Variants in LANCL2 observed in about 807,000 individuals in gnomAD.
LANCL2 encodes the protein lanC-like protein 2.
Under a neutral mutation model 56.9 loss-of-function variants are expected in LANCL2, and 33 were observed. The observed-to-expected ratio is 0.58, with a 90% CI of 0.44 to 0.78. LANCL2 has a LOEUF of 0.78. Ranked by LOEUF, LANCL2 falls within the 30% of genes least tolerant of loss-of-function variation. LANCL2 has a pLI of 0.00. For synonymous variants in LANCL2, 233 were observed against 228.2 expected (o/e 1.02, Z -0.19); for missense variants, 562 against 580.2 (o/e 0.97, Z 0.32).
At chr7:55,380,297 C>T (rs190931456) in intron 1 of LANCL2, among the ~76,000 whole-genome samples, 1 of 152,150 alleles carries the variant, frequency 6.6e-6, no homozygotes, top group East Asian at 1.9e-4. Flanking sequence ...ATAGATTTGC[C>T]CATCTCTGAA....
chr7:55,374,527 G>C (rs531576390), intron 1 of LANCL2, among the ~76,000 whole-genome samples: 3 of 152,294 alleles, frequency 2.0e-5, no homozygotes, highest in South Asian at 2.1e-4. Context: ...ATTCTTTACT[G>C]TCAGAAGATA....
At chr7:55,397,896 C>T (rs1034606721) in intron 2 of LANCL2, among the ~76,000 whole-genome samples, 2 of 151,608 alleles carry the variant, frequency 1.3e-5, no homozygotes, top group African/African-American at 2.4e-5. Context: ...CGAGTTCACT[C>T]ACCAGTTCAT....
intron 1 of LANCL2, among the ~76,000 whole-genome samples, chr7:55,384,733 G>C (rs1010540224): frequency 2.6e-5 from 4 of 152,118 alleles, no homozygotes; most frequent in Admixed American, 6.5e-5. Context: ...TTTTTCGTTA[G>C]AAATCATGGA....
chr7:55,419,272 A>G (rs942593099), intron 6 of LANCL2, among the ~76,000 whole-genome samples: 2 of 151,482 alleles, frequency 1.3e-5, no homozygotes, highest in African/African-American at 4.9e-5. Context: ...CAGTTTTGTT[A>G]ATTGTGTTTT....
At position 55,408,246 on chromosome 7, in the gene LANCL2, A is replaced by G. The variant is rs534816867; in HGVS notation, c.826-3661A>G. On this transcript the variant is annotated intron_variant, in intron 5 of 8. Transcript: ENST00000254770. ...TATCTTAGAAAGCAGGCAGAAATAGACAATGGGAGAGGAAAACGTAAGAAA... is the reference window on the plus strand; with the variant it reads ...TATCTTAGAAAGCAGGCAGAAATAGGCAATGGGAGAGGAAAACGTAAGAAA... 5.8e-4 allele frequency among the ~76,000 whole-genome samples: 89 copies of G among 152,232 alleles called. 1 individual carries two copies. Among genetic ancestry groups the G allele is most frequent in the Non-Finnish European group, 8.8e-4 (60 of 68,040 alleles).
intron 2 of LANCL2, among the ~76,000 whole-genome samples, chr7:55,396,413 C>T (rs1355125425): frequency 6.6e-6 from 1 of 152,244 alleles, no homozygotes; most frequent in Admixed American, 6.5e-5. Context: ...CGCAGCCCCG[C>T]CTACCCGGAG....
intron 1 of LANCL2, among the ~76,000 whole-genome samples, chr7:55,377,275 T>C (rs566442309): frequency 6.6e-6 from 1 of 152,246 alleles, no homozygotes; most frequent in South Asian, 2.1e-4. Context: ...AATGACAAAT[T>C]AGGAAATAAA....
rs970050584 is a variant in LANCL2, at chr7:55,432,546, T to C, written c.*1226T>C. On this transcript the variant is annotated 3_prime_UTR_variant, in exon 9 of 9. Coordinates refer to ENST00000254770, the MANE Select transcript of LANCL2 (RefSeq NM_018697.4). ...ATGGAAGAGGTGGTCTGGGACTAGGTACTTCTCGTCTTGTGAGCTAAGGCT... is the reference window on the plus strand; with the variant it reads ...ATGGAAGAGGTGGTCTGGGACTAGGCACTTCTCGTCTTGTGAGCTAAGGCT... 3.3e-5 allele frequency: 5 copies of C among 152,214 alleles called. No individual in the cohort carries two copies. Among genetic ancestry groups the C allele is most frequent in the African/African-American group, 1.2e-4 (5 of 41,444 alleles). The allele number at this position is 152,214 out of a possible 1,614,324, so 9.4% of individuals were successfully genotyped here.
At chr7:55,387,314 G>A (rs891376216) in intron 1 of LANCL2, among the ~76,000 whole-genome samples, 7 of 152,174 alleles carry the variant, frequency 4.6e-5, no homozygotes, top group African/African-American at 1.4e-4. Context: ...TTTAAGTTAT[G>A]TTAGAGGAAA....
At chr7:55,393,756 T>G (rs922245488) in intron 2 of LANCL2, among the ~76,000 whole-genome samples, 8 of 152,208 alleles carry the variant, frequency 5.3e-5, no homozygotes, top group African/African-American at 1.7e-4. Flanking sequence ...ATTACATATT[T>G]CAAACTTATA....
chr7:55,406,594 G>A (rs963589454), intron 5 of LANCL2, among the ~76,000 whole-genome samples: 1 of 152,218 alleles, frequency 6.6e-6, no homozygotes, highest in Non-Finnish European at 1.5e-5. Context: ...TGCTCAGTGA[G>A]TTGGGGGCTT....
rs1432963504 is a variant in LANCL2 at position 55,428,425 on chromosome 7, C to T, written c.1236C>T (p.Asp412=). ...GAGCACACGGGTGCCGCATTCCTGA[C>T]AGACCCTATTCGCTCTTTGAAGGTA... ...DYGAHGCRIP[D]RPYSLFEGMA... The change falls in exon 8 of 9, where the codon GAC becomes GAT. Residue 412 remains aspartate (D), a synonymous_variant. Coordinates refer to ENST00000254770, the MANE Select transcript of LANCL2 (RefSeq NM_018697.4). 6.2e-7 allele frequency: 1 copy of T among 1,614,064 alleles called. No individual in the cohort carries two copies. The highest frequency in any genetic ancestry group is 1.1e-5 in the South Asian group (1 of 91,076).
chr7:55,388,141 T>A (rs193099952), intron 1 of LANCL2, among the ~76,000 whole-genome samples: 25 of 152,314 alleles, frequency 1.6e-4, no homozygotes, highest in African/African-American at 5.5e-4. Flanking sequence ...GGCCATAATA[T>A]GTAACCAGCT....
chr7:55,403,744 G>A (rs1468755742), intron 5 of LANCL2, among the ~76,000 whole-genome samples: 1 of 151,590 alleles, frequency 6.6e-6, no homozygotes, highest in Non-Finnish European at 1.5e-5. Context: ...GCTAATTTTT[G>A]TATTTTTAGT....
At position 55,433,386 on chromosome 7, in the gene LANCL2, T is replaced by G. The variant is rs1407082076; in HGVS notation, c.*2066T>G. ...CACCTTCCTACTTATCCACTAGATG[T>G]CATCAGAGGTGCTGTTCCGTGGTTC... On this transcript the variant is annotated 3_prime_UTR_variant, in exon 9 of 9. Coordinates refer to ENST00000254770, the MANE Select transcript of LANCL2 (RefSeq NM_018697.4). 2 of 152,248 alleles carry G rather than the reference T, an allele frequency of 1.3e-5. No homozygotes were observed. Among genetic ancestry groups the G allele is most frequent in the Non-Finnish European group, 1.5e-5 (1 of 68,040 alleles). 9.4% of individuals were successfully genotyped at this position (152,248 alleles called of 1,614,324 possible). A position where few individuals can be genotyped will look rare whatever the true frequency, so the allele number is the denominator to read the frequency against.
At chr7:55,422,749 C>G (rs1434124443) in intron 6 of LANCL2, among the ~76,000 whole-genome samples, 2 of 152,222 alleles carry the variant, frequency 1.3e-5, no homozygotes, top group Non-Finnish European at 2.9e-5. Flanking sequence ...TTTTCTAGGT[C>G]CAGAATATCC....
At position 55,400,086 on chromosome 7, in the gene LANCL2, T is replaced by G; in HGVS notation, c.660T>G (p.Cys220Trp). Residue 220 changes from cysteine (C) to tryptophan (W), a missense_variant, in exon 4 of 9, where the codon TGT becomes TGG. Coordinates refer to ENST00000254770, the MANE Select transcript of LANCL2 (RefSeq NM_018697.4). ...CAGAGATAGGTCCAGGCACCGTGTGTGAGTCAGCTATTAAAGAGGTACTAT... is the reference window on the plus strand; with the variant it reads ...CAGAGATAGGTCCAGGCACCGTGTGGGAGTCAGCTATTAAAGAGGTACTAT... Reference protein sequence around the residue: ...LNTEIGPGTVCESAIKEVVNA... With the variant: ...LNTEIGPGTVWESAIKEVVNA... The G allele has an allele frequency of 6.2e-7, 1 of 1,608,386 alleles. No homozygotes were observed. Among genetic ancestry groups the G allele is most frequent in the Non-Finnish European group, 8.5e-7 (1 of 1,176,282 alleles).
chr7:55,398,721 T>G (rs576073920), intron 3 of LANCL2, 91 bp downstream of exon 3: 1 of 993,140 alleles, frequency 1.0e-6, no homozygotes, highest in East Asian at 2.6e-5. Flanking sequence ...ATTTTTCCAT[T>G]CATCCATTGT....
chr7:55,428,174 C>T (rs1320387850), intron 7 of LANCL2: 1 of 603,300 alleles, frequency 1.7e-6, no homozygotes, highest in Non-Finnish European at 3.0e-6. Flanking sequence ...AGACCCCACT[C>T]TACAGCTGAG....
Sources: allele counts gnomAD v4.1 joint callset (sites outside exome capture counted in the v4.1 genomes callset), GRCh38; gene constraint gnomAD v4.1.1; transcripts MANE v1.5; gene names NCBI Gene and HGNC (gene_info 2026-07-23, HGNC 2026-07-21).